The following AGBL4 variants were observed in gnomAD, a reference collection of about 807,000 sequenced individuals.
The protein encoded by AGBL4 is AGBL carboxypeptidase 4, also known as cytosolic carboxypeptidase 6.
Under a neutral mutation model 66.4 loss-of-function variants are expected in AGBL4, and 58 were observed. The observed-to-expected ratio is 0.87, with a 90% CI of 0.71 to 1.09. AGBL4 has a LOEUF of 1.09. Among genes scored for constraint, AGBL4 ranks in the 50% least tolerant of loss-of-function variants. The pLI is 0.00. For missense variants in AGBL4, 579 were observed against 631.0 expected (o/e 0.92, Z 0.88); for synonymous variants, 234 against 222.9 (o/e 1.05, Z -0.44).
At chr1:48,663,943 C>T (rs1322347265) in intron 6 of AGBL4, among the ~76,000 whole-genome samples, 2 of 152,062 alleles carry the variant, frequency 1.3e-5, no homozygotes, top group African/African-American at 4.8e-5. Context: ...CCTTGTCTGG[C>T]CTTCATTTCC....
At chr1:49,498,138 A>C (rs1647781629) in intron 3 of AGBL4, among the ~76,000 whole-genome samples, 1 of 151,916 alleles carries the variant, frequency 6.6e-6, no homozygotes, top group South Asian at 2.1e-4. Flanking sequence ...TAGATGTTGT[A>C]AAAGAGATTG....
intron 3 of AGBL4, among the ~76,000 whole-genome samples, chr1:49,464,874 T>C (rs1646591989): frequency 6.6e-6 from 1 of 151,608 alleles, no homozygotes; most frequent in Non-Finnish European, 1.5e-5. Context: ...ATGACAAAAC[T>C]GATGCTTGTA....
intron 1 of AGBL4, among the ~76,000 whole-genome samples, chr1:49,877,554 G>A (rs139583059): frequency 2.0e-5 from 3 of 151,356 alleles, no homozygotes; most frequent in East Asian, 3.9e-4. Flanking sequence ...TGCTGGATTC[G>A]GTTTGCCAGT....
chr1:48,536,743 T>TACA (rs1643977860), intron 12 of AGBL4, among the ~76,000 whole-genome samples: 2 of 152,356 alleles, frequency 1.3e-5, no homozygotes, highest in South Asian at 4.1e-4. Context: ...ACTCATGCTC[T>TACA]GTTTACCTAC....
intron 3 of AGBL4, among the ~76,000 whole-genome samples, chr1:49,428,031 A>T (rs1645704565): frequency 6.6e-6 from 1 of 152,130 alleles, no homozygotes; most frequent in South Asian, 2.1e-4. Flanking sequence ...TGCATTTACA[A>T]ACCTTTAGCT....
At chr1:48,724,445 G>A (rs913454052) in intron 6 of AGBL4, among the ~76,000 whole-genome samples, 4 of 152,202 alleles carry the variant, frequency 2.6e-5, no homozygotes, top group Non-Finnish European at 5.9e-5. Flanking sequence ...GGCTTGGGCA[G>A]CTGACCAGGT....
At chr1:49,212,001 A>C (rs1435499547) in intron 4 of AGBL4, among the ~76,000 whole-genome samples, 3 of 152,086 alleles carry the variant, frequency 2.0e-5, no homozygotes, top group African/African-American at 7.2e-5. Flanking sequence ...AAAACCCTGC[A>C]AAGTAGCTAC....
At chr1:49,732,109 A>T (rs1232207100) in intron 2 of AGBL4, among the ~76,000 whole-genome samples, 4 of 152,194 alleles carry the variant, frequency 2.6e-5, no homozygotes, top group Admixed American at 6.5e-5. Flanking sequence ...TTGTCAGCAG[A>T]AATTACTTAC....
intron 3 of AGBL4, among the ~76,000 whole-genome samples, chr1:49,596,098 A>C (rs1390797578): frequency 1.3e-5 from 2 of 152,170 alleles, no homozygotes; most frequent in Non-Finnish European, 2.9e-5. Context: ...AAAATGAGCC[A>C]AGGTCATCCA....
At chr1:50,022,517 A>G (rs1662518347) in intron 1 of AGBL4, among the ~76,000 whole-genome samples, 1 of 151,924 alleles carries the variant, frequency 6.6e-6, no homozygotes, top group South Asian at 2.1e-4. Context: ...AAGAGAAATA[A>G]TGAAGGCCTT....
chr1:49,609,645 T>C (rs1645119334), intron 3 of AGBL4, among the ~76,000 whole-genome samples: 1 of 152,132 alleles, frequency 6.6e-6, no homozygotes, highest in East Asian at 1.9e-4. Context: ...TACAGGTTGG[T>C]TCTACAGATA....
intron 6 of AGBL4, among the ~76,000 whole-genome samples, chr1:48,824,473 T>TAGAGG (rs890224363): frequency 2.6e-5 from 4 of 151,902 alleles, no homozygotes; most frequent in African/African-American, 9.7e-5. Context: ...TGAGGGGTGG[T>TAGAGG]AGAGGAGATA....
At chr1:48,832,909 T>A (rs1646589396) in intron 6 of AGBL4, among the ~76,000 whole-genome samples, 1 of 152,182 alleles carries the variant, frequency 6.6e-6, no homozygotes, top group South Asian at 2.1e-4. Flanking sequence ...TGGACTTGGA[T>A]AAGAATTTAC....
chr1:49,617,810 A>G (rs1453008414), intron 3 of AGBL4, among the ~76,000 whole-genome samples: 2 of 152,206 alleles, frequency 1.3e-5, no homozygotes, highest in Non-Finnish European at 2.9e-5. Context: ...TAAATAATAG[A>G]CAGTCCAGTT....
intron 5 of AGBL4, among the ~76,000 whole-genome samples, chr1:48,899,608 C>T (rs1651891184): frequency 6.6e-6 from 1 of 152,160 alleles, no homozygotes; most frequent in Non-Finnish European, 1.5e-5. Context: ...GATCTGGCCT[C>T]ACTTGGCTTA....
At chr1:49,886,846 A>C (rs1014032398) in intron 1 of AGBL4, among the ~76,000 whole-genome samples, 1 of 152,164 alleles carries the variant, frequency 6.6e-6, no homozygotes, top group African/African-American at 2.4e-5. Context: ...ATTTTAATTT[A>C]TATGCTAAAA....
At chr1:49,651,466 T>C (rs890152829) in intron 3 of AGBL4, among the ~76,000 whole-genome samples, 2 of 152,150 alleles carry the variant, frequency 1.3e-5, no homozygotes, top group Non-Finnish European at 1.5e-5. Flanking sequence ...ATAGAGCTAA[T>C]GTAAGACAGA....
intron 2 of AGBL4, among the ~76,000 whole-genome samples, chr1:49,736,269 TG>T (rs1402888986): frequency 6.6e-6 from 1 of 151,936 alleles, no homozygotes; most frequent in Admixed American, 6.6e-5. Context: ...GAAAGGCTCT[TG>T]AAAAAAAGCA....
rs113482491 is a variant in AGBL4, at chr1:48,962,364, C to T, written c.594+83220G>A. ...TCTAGTAATAATCACTCAATACTTG[C>T]ACATTTTCCTACTCCTTTTCTTAAT... On this transcript the variant is annotated intron_variant, in intron 5 of 13. Coordinates refer to ENST00000371839, the MANE Select transcript of AGBL4 (RefSeq NM_032785.4). 3.1e-4 allele frequency among the ~76,000 whole-genome samples: 47 copies of T among 152,302 alleles called. 1 individual carries two copies. The highest frequency in any genetic ancestry group is 1.0e-3 in the African/African-American group (43 of 41,552).
Sources: gnomAD v4.1 joint callset for allele counts (sites outside exome capture counted in the v4.1 genomes callset) on GRCh38, gnomAD v4.1.1 for gene constraint, MANE v1.5 for transcripts, NCBI Gene and HGNC (gene_info 2026-07-23, HGNC 2026-07-21) for gene names.